Variants in LRRC8D observed in about 807,000 individuals in gnomAD.
LRRC8D encodes leucine rich repeat containing 8 VRAC subunit D.
Under a neutral mutation model 55.8 loss-of-function variants are expected in LRRC8D, and 20 were observed. That is an observed-to-expected ratio of 0.36 (90% confidence interval 0.25 to 0.52). The LOEUF is 0.52. Among genes scored for constraint, LRRC8D ranks in the 20% least tolerant of loss-of-function variants. The probability of loss-of-function intolerance (pLI) is 0.93; values close to 1 mark genes in which losing one functional copy is unlikely to be tolerated. For synonymous variants in LRRC8D, 352 were observed against 377.0 expected, an observed-to-expected ratio of 0.93 and a Z score of 0.77; for missense variants, 651 against 1,030.8, an observed-to-expected ratio of 0.63 and a Z score of 5.05.
At chr1:89,835,653 C>G (rs749324553) in intron 1 of LRRC8D, among the ~76,000 whole-genome samples, 3 of 152,138 alleles carry the variant, frequency 2.0e-5, no homozygotes, top group Non-Finnish European at 4.4e-5. Context: ...TTTACTCTGC[C>G]TTTCTAGCCA....
At chr1:89,827,422 C>G (rs1660791664) in intron 1 of LRRC8D, among the ~76,000 whole-genome samples, 1 of 151,840 alleles carries the variant, frequency 6.6e-6, no homozygotes, top group Admixed American at 6.5e-5. Context: ...GTTTTTTCCC[C>G]CAAATTCGTG....
chr1:89,841,826 A>G (rs555372763), intron 1 of LRRC8D, among the ~76,000 whole-genome samples: 58 of 152,336 alleles, frequency 3.8e-4, no homozygotes, highest in African/African-American at 1.4e-3. Context: ...GAAACTGCCT[A>G]CCACAACAGC....
chr1:89,872,216 A>G (rs1323071121), intron 2 of LRRC8D, among the ~76,000 whole-genome samples: 2 of 152,254 alleles, frequency 1.3e-5, no homozygotes, highest in African/African-American at 4.8e-5. Context: ...GTGCTTTCTC[A>G]GTAAGTGCTC....
intron 2 of LRRC8D, among the ~76,000 whole-genome samples, chr1:89,849,547 A>G (rs1661360467): frequency 6.6e-6 from 1 of 151,420 alleles, no homozygotes. Flanking sequence ...AATGTTGATT[A>G]TACCTAATCA....
At chr1:89,930,270 C>G (rs969132736) in intron 2 of LRRC8D, among the ~76,000 whole-genome samples, 3 of 152,208 alleles carry the variant, frequency 2.0e-5, no homozygotes, top group Non-Finnish European at 2.9e-5. Context: ...TCTTGGCTCA[C>G]TGCAACCTCC....
intron 2 of LRRC8D, among the ~76,000 whole-genome samples, chr1:89,861,943 T>C (rs1661729373): frequency 2.0e-5 from 3 of 152,202 alleles, no homozygotes; most frequent in South Asian, 4.1e-4. Context: ...AAGGGGAACA[T>C]GTAACATAAC....
chr1:89,889,234 C>T (rs1053790389), intron 2 of LRRC8D, among the ~76,000 whole-genome samples: 17 of 152,126 alleles, frequency 1.1e-4, no homozygotes, highest in Non-Finnish European at 1.2e-4. Context: ...AGACTAATTC[C>T]AGTTGGTGGT....
At chr1:89,849,942 A>G (rs1255368455) in intron 2 of LRRC8D, among the ~76,000 whole-genome samples, 3 of 152,148 alleles carry the variant, frequency 2.0e-5, no homozygotes, top group Non-Finnish European at 2.9e-5. Context: ...ATTTTGAGTC[A>G]TTTAAGAAAT....
intron 1 of LRRC8D, among the ~76,000 whole-genome samples, chr1:89,827,839 A>C (rs1660799914): frequency 6.6e-6 from 1 of 152,236 alleles, no homozygotes; most frequent in Non-Finnish European, 1.5e-5. Context: ...AGAGGAATGA[A>C]AGAAGAGGTA....
chr1:89,826,530 G>A (rs890526179), intron 1 of LRRC8D, among the ~76,000 whole-genome samples: 3 of 152,168 alleles, frequency 2.0e-5, no homozygotes, highest in African/African-American at 4.8e-5. Context: ...GGGATTACAG[G>A]CATGAGCCAC....
At chr1:89,831,280 C>G (rs1043442921) in intron 1 of LRRC8D, among the ~76,000 whole-genome samples, 1 of 152,146 alleles carries the variant, frequency 6.6e-6, no homozygotes, top group Non-Finnish European at 1.5e-5. Context: ...TTCCCAACCC[C>G]AGACACAAAG....
chr1:89,857,709 C>T (rs1661594742), intron 2 of LRRC8D, among the ~76,000 whole-genome samples: 1 of 152,152 alleles, frequency 6.6e-6, no homozygotes, highest in Non-Finnish European at 1.5e-5. Context: ...AGGTTGTCAG[C>T]CCCTGTCCTA....
intron 2 of LRRC8D, among the ~76,000 whole-genome samples, chr1:89,867,317 T>G (rs942413064): frequency 1.3e-5 from 2 of 152,236 alleles, no homozygotes; most frequent in Non-Finnish European, 2.9e-5. Context: ...TTTTTAAGGT[T>G]CAGCTACACT....
rs74098612 is a variant in LRRC8D, at chr1:89,848,008, G to A, written c.-3+4226G>A. Among the ~76,000 whole-genome samples the A allele has an allele frequency of 6.8e-4, 104 of 152,294 alleles. 2 individuals carry two copies. Among genetic ancestry groups the A allele is most frequent in the African/African-American group, 2.4e-3 (100 of 41,558 alleles). ...TGCTCCAGACTGAAAATGCTGAAATGGTGATGAAAAATGCATAATATGTTA... is the reference window on the plus strand; with the variant it reads ...TGCTCCAGACTGAAAATGCTGAAATAGTGATGAAAAATGCATAATATGTTA... On this transcript the variant is annotated intron_variant, in intron 2 of 2. Coordinates refer to ENST00000337338, the MANE Select transcript of LRRC8D (RefSeq NM_001134479.2).
At chr1:89,839,562 G>T (rs1276094893) in intron 1 of LRRC8D, among the ~76,000 whole-genome samples, 1 of 152,140 alleles carries the variant, frequency 6.6e-6, no homozygotes, top group East Asian at 1.9e-4. Flanking sequence ...GTTCTTTAAA[G>T]ATGGCTAATA....
At chr1:89,906,211 C>T (rs985842359) in intron 2 of LRRC8D, among the ~76,000 whole-genome samples, 2 of 152,148 alleles carry the variant, frequency 1.3e-5, no homozygotes, top group African/African-American at 4.8e-5. Flanking sequence ...AGAAAATGAG[C>T]GGAACAATTC....
intron 2 of LRRC8D, among the ~76,000 whole-genome samples, chr1:89,878,858 T>C (rs1223379223): frequency 6.6e-6 from 1 of 151,840 alleles, no homozygotes; most frequent in Non-Finnish European, 1.5e-5. Flanking sequence ...TCCCAGCTAC[T>C]TGGGAGGCTG....
At chr1:89,870,406 G>T (rs1438339705) in intron 2 of LRRC8D, among the ~76,000 whole-genome samples, 1 of 152,048 alleles carries the variant, frequency 6.6e-6, no homozygotes, top group Non-Finnish European at 1.5e-5. Flanking sequence ...AACCCGGGAG[G>T]CAGAGGTTGC....
chr1:89,823,410 T>A (rs944077037), intron 1 of LRRC8D, among the ~76,000 whole-genome samples: 26 of 152,228 alleles, frequency 1.7e-4, no homozygotes, highest in South Asian at 2.1e-4. Context: ...GCAGCATTTT[T>A]AAAAATTAAT....
Sources: gnomAD v4.1 joint callset for allele counts (sites outside exome capture counted in the v4.1 genomes callset) on GRCh38, gnomAD v4.1.1 for gene constraint, MANE v1.5 for transcripts, NCBI Gene and HGNC (gene_info 2026-07-23, HGNC 2026-07-21) for gene names.